Variants in SLC24A3 observed in about 807,000 individuals in gnomAD.
SLC24A3 encodes sodium/potassium/calcium exchanger 3.
A neutral mutation model predicts 75.8 loss-of-function variants in SLC24A3; 28 were observed. The ratio of observed to expected loss-of-function variants is 0.37; its 90% CI spans 0.27 to 0.51. SLC24A3 has a LOEUF of 0.51. SLC24A3 is among the 20% of genes least tolerant of loss of function. The pLI, the probability that SLC24A3 is intolerant of heterozygous loss-of-function variation, is 0.94. For missense variants in SLC24A3, 663 were observed against 847.8 expected (o/e 0.78, Z 2.71); for synonymous variants, 372 against 334.1 (o/e 1.11, Z -1.24).
intron 6 of SLC24A3, among the ~76,000 whole-genome samples, chr20:19,587,793 T>C (rs1251058738): frequency 1.3e-5 from 2 of 152,198 alleles, no homozygotes; most frequent in South Asian, 2.1e-4. Context: ...GCACACCTAC[T>C]TCCTAGTGTT....
At chr20:19,503,264 C>A (rs7263127) in intron 2 of SLC24A3, among the ~76,000 whole-genome samples, 1 of 152,016 alleles carries the variant, frequency 6.6e-6, no homozygotes, top group Non-Finnish European at 1.5e-5. Context: ...TCATTCAGAG[C>A]TATAGTGTGC....
chr20:19,371,727 T>C (rs1985995995), intron 2 of SLC24A3, among the ~76,000 whole-genome samples: 8 of 152,150 alleles, frequency 5.3e-5, no homozygotes, highest in Admixed American at 5.2e-4. Context: ...TCTAATCTCA[T>C]ATCTGGACCA....
At chr20:19,602,239 C>T (rs887951954) in intron 6 of SLC24A3, among the ~76,000 whole-genome samples, 6 of 152,074 alleles carry the variant, frequency 3.9e-5, no homozygotes, top group Non-Finnish European at 5.9e-5. Context: ...TCCTGGGCAC[C>T]GCACTTTGTT....
At chr20:19,492,894 C>T (rs1292826772) in intron 2 of SLC24A3, among the ~76,000 whole-genome samples, 2 of 152,208 alleles carry the variant, frequency 1.3e-5, no homozygotes, top group South Asian at 2.1e-4. Flanking sequence ...GTGTGTACTT[C>T]TCATACCTTA....
At chr20:19,501,884 A>G (rs1234549417) in intron 2 of SLC24A3, among the ~76,000 whole-genome samples, 1 of 152,042 alleles carries the variant, frequency 6.6e-6, no homozygotes, top group Admixed American at 6.6e-5. Context: ...TACTTTCCCT[A>G]GGCTGTTATT....
intron 2 of SLC24A3, among the ~76,000 whole-genome samples, chr20:19,374,179 A>G (rs773967333): frequency 6.6e-6 from 1 of 152,180 alleles, no homozygotes; most frequent in East Asian, 1.9e-4. Flanking sequence ...TGTTTCAAAA[A>G]TGGGAAAGTT....
At chr20:19,281,611 C>A (rs1983666619) in intron 2 of SLC24A3, among the ~76,000 whole-genome samples, 1 of 152,044 alleles carries the variant, frequency 6.6e-6, no homozygotes, top group Non-Finnish European at 1.5e-5. Flanking sequence ...AACATTCTAT[C>A]TCTAATGTTA....
At chr20:19,421,462 C>T (rs1260651486) in intron 2 of SLC24A3, among the ~76,000 whole-genome samples, 1 of 152,090 alleles carries the variant, frequency 6.6e-6, no homozygotes, top group Non-Finnish European at 1.5e-5. Flanking sequence ...CATCACTGGC[C>T]ATCAGAGAAA....
intron 1 of SLC24A3, among the ~76,000 whole-genome samples, chr20:19,273,368 C>A (rs1983387342): frequency 1.3e-5 from 2 of 152,166 alleles, no homozygotes; most frequent in South Asian, 4.1e-4. Flanking sequence ...CACAGGTGAA[C>A]CCCACAGCCT....
At chr20:19,305,479 T>C (rs1006506732) in intron 2 of SLC24A3, among the ~76,000 whole-genome samples, 1 of 151,914 alleles carries the variant, frequency 6.6e-6, no homozygotes, top group African/African-American at 2.4e-5. Context: ...CTGCTTCTGC[T>C]TGGACCTCCA....
At chr20:19,633,324 T>C (rs1047665665) in intron 6 of SLC24A3, among the ~76,000 whole-genome samples, 6 of 152,208 alleles carry the variant, frequency 3.9e-5, no homozygotes, top group African/African-American at 1.4e-4. Context: ...CTTCACCTTG[T>C]ACATATCTGT....
At chr20:19,292,232 A>G (rs1320202368) in intron 2 of SLC24A3, among the ~76,000 whole-genome samples, 1 of 152,090 alleles carries the variant, frequency 6.6e-6, no homozygotes, top group Admixed American at 6.5e-5. Context: ...GTGGATGCCC[A>G]TTTTCCAAGC....
At chr20:19,392,177 G>T (rs1332134932) in intron 2 of SLC24A3, among the ~76,000 whole-genome samples, 1 of 149,466 alleles carries the variant, frequency 6.7e-6, no homozygotes, top group Non-Finnish European at 1.5e-5. Flanking sequence ...TATCTTAACA[G>T]TTTCCTGAGC....
At chr20:19,305,288 A>G (rs1291061487) in intron 2 of SLC24A3, among the ~76,000 whole-genome samples, 1 of 152,088 alleles carries the variant, frequency 6.6e-6, no homozygotes, top group Non-Finnish European at 1.5e-5. Flanking sequence ...AAAGCCATTT[A>G]TGGGATCTTC....
At chr20:19,657,643 T>C (rs2122713331) in intron 7 of SLC24A3, among the ~76,000 whole-genome samples, 1 of 152,306 alleles carries the variant, frequency 6.6e-6, no homozygotes. Context: ...ACTCCCAGGG[T>C]CATTTTTCCA....
chr20:19,580,226 G>T, intron 4 of SLC24A3, 152 bp downstream of exon 4: 1 of 609,624 alleles, frequency 1.6e-6, no homozygotes, highest in Non-Finnish European at 2.9e-6. Flanking sequence ...AGAGCAATGG[G>T]CAATATTAGC....
At chr20:19,230,848 C>A (rs921482959) in intron 1 of SLC24A3, among the ~76,000 whole-genome samples, 4 of 152,124 alleles carry the variant, frequency 2.6e-5, no homozygotes, top group South Asian at 4.1e-4. Context: ...GTGGGAATGA[C>A]CCATTGAAGG....
chr20:19,509,249 C>CA (rs1988502293), intron 2 of SLC24A3, among the ~76,000 whole-genome samples: 1 of 152,302 alleles, frequency 6.6e-6, no homozygotes, highest in African/African-American at 2.4e-5. Flanking sequence ...GGATCTTATT[C>CA]AAAATCTAAC....
At chr20:19,661,649 A>G (rs1332427458) in intron 7 of SLC24A3, among the ~76,000 whole-genome samples, 1 of 152,232 alleles carries the variant, frequency 6.6e-6, no homozygotes, top group Non-Finnish European at 1.5e-5. Flanking sequence ...TCATGGTGCC[A>G]GTGATTACAA....
Sources: gnomAD v4.1 joint callset for allele counts (sites outside exome capture counted in the v4.1 genomes callset) on GRCh38, gnomAD v4.1.1 for gene constraint, MANE v1.5 for transcripts, NCBI Gene and HGNC (gene_info 2026-07-23, HGNC 2026-07-21) for gene names.